UBR1: variants seen among roughly 807,000 people sequenced by gnomAD.
UBR1 encodes the protein E3 ubiquitin-protein ligase UBR1.
UBR1 carries 102 observed loss-of-function variants against 242.1 expected under a neutral mutation model. The observed-to-expected ratio is 0.42, with a 90% CI of 0.36 to 0.50. UBR1 has a LOEUF of 0.50. UBR1 is among the 20% of genes least tolerant of loss of function. The pLI is 0.01. For missense variants in UBR1, 1,772 were observed against 2,101.8 expected, an observed-to-expected ratio of 0.84 and a Z score of 3.07; for synonymous variants, 675 against 684.8, an observed-to-expected ratio of 0.99 and a Z score of 0.22.
chr15:43,082,319 T>C (rs1408434620), intron 3 of UBR1, among the ~76,000 whole-genome samples: 1 of 152,182 alleles, frequency 6.6e-6, no homozygotes, highest in African/African-American at 2.4e-5. Flanking sequence ...AGAAGGGTCA[T>C]ATTACACACT....
chr15:43,046,456 A>C (rs905063375), intron 14 of UBR1, among the ~76,000 whole-genome samples: 8 of 152,204 alleles, frequency 5.3e-5, no homozygotes, highest in Non-Finnish European at 1.5e-5. Flanking sequence ...TAGGAAACAC[A>C]AGTCCAGATA....
Position 43,026,598 on chromosome 15 carries a change from A to G in UBR1, c.2498T>C (p.Met833Thr), listed in dbSNP as rs2033180924. 1 of 1,613,464 alleles carries G rather than the reference A, an allele frequency of 6.2e-7. No homozygotes were observed. Among genetic ancestry groups the G allele is most frequent in the Non-Finnish European group, 8.5e-7 (1 of 1,179,730 alleles). ...GGTTTTGGAGTAATGATAAAAGTAC[A>G]TATTGAAGTCTTTCAGTGATTCATC... is the stretch of plus-strand genomic sequence containing the variant. ...LKDESLKDFN[M>T]YFYHYSKTQH... is the part of the protein sequence containing the mutation. The change falls in exon 23 of 47, where the codon ATG becomes ACG. Residue 833 changes from methionine to threonine, a missense_variant. Coordinates refer to ENST00000290650, the MANE Select transcript of UBR1 (RefSeq NM_174916.3).
intron 1 of UBR1, among the ~76,000 whole-genome samples, chr15:43,101,848 ATC>A (rs1206254983): frequency 1.1e-4 from 16 of 151,726 alleles, no homozygotes; most frequent in South Asian, 6.3e-4. Context: ...GGCACCTGTA[ATC>A]CCAGCTACTT....
At chr15:42,998,022 A>G (rs2032666582) in intron 33 of UBR1, 146 bp downstream of exon 33, 1 of 709,928 alleles carries the variant, frequency 1.4e-6, no homozygotes, top group South Asian at 1.9e-5. Context: ...AATTTAAGCC[A>G]CTTATTTTTA....
intron 4 of UBR1, among the ~76,000 whole-genome samples, chr15:43,074,422 T>C (rs1014836478): frequency 6.6e-6 from 1 of 152,212 alleles, no homozygotes; most frequent in African/African-American, 2.4e-5. Context: ...CATTTAGGCT[T>C]ATATGTTGTG....
chr15:43,050,301 C>A (rs2033538280), intron 12 of UBR1, among the ~76,000 whole-genome samples: 1 of 152,100 alleles, frequency 6.6e-6, no homozygotes, highest in Admixed American at 6.6e-5. Flanking sequence ...AAACTATCAA[C>A]AGAGTGAAGA....
In UBR1 at chr15:43,059,709, G is replaced by A. The variant is rs772481734; in HGVS notation, c.978C>T (p.Ser326=). 1.2e-6 allele frequency: 2 copies of A among 1,613,840 alleles called. No individual in the cohort carries two copies. Among genetic ancestry groups the A allele is most frequent in the Non-Finnish European group, 8.5e-7 (1 of 1,179,964 alleles). The part of the protein sequence containing the change: ...RLGSWMNKIM[S]YSSDFRQIFC... ...AACAGGAGGTATGCTTACTTGAATA[G>A]CTCATAATTTTGTTCATCCAGGAAC... The change falls in exon 8 of 47, where the codon AGC becomes AGT. Residue 326 remains serine (S), a synonymous_variant. Transcript: ENST00000290650.
chr15:43,062,086 C>T (rs2033695674), intron 6 of UBR1, among the ~76,000 whole-genome samples: 1 of 152,040 alleles, frequency 6.6e-6, no homozygotes, highest in African/African-American at 2.4e-5. Context: ...ATGGTGGTTC[C>T]TCAAGAAATT....
chr15:43,040,670 G>C, intron 15 of UBR1, among the ~76,000 whole-genome samples: 1 of 152,092 alleles, frequency 6.6e-6, no homozygotes, highest in Admixed American at 6.5e-5. Context: ...CTACAGAATG[G>C]GAGAAAATTT....
intron 23 of UBR1, 106 bp downstream of exon 23, chr15:43,026,455 T>C: frequency 1.2e-6 from 1 of 852,466 alleles, no homozygotes; most frequent in African/African-American, 1.7e-5. Flanking sequence ...ATGACCTCTA[T>C]TAATAAGAAC....
chr15:43,101,694 C>T (rs1057137465), intron 1 of UBR1, among the ~76,000 whole-genome samples: 3 of 151,886 alleles, frequency 2.0e-5, no homozygotes, highest in Non-Finnish European at 2.9e-5. Flanking sequence ...TGGCTGGGCA[C>T]GGTGGCTCAT....
Position 43,086,133 on chromosome 15 carries a change from C to A in UBR1, c.189G>T (p.Glu63Asp), listed in dbSNP as rs768691069. Residue 63 changes from glutamate (E) to aspartate (D), a missense_variant, in exon 2 of 47, where the codon GAG (glutamate) becomes GAT (aspartate). By Grantham distance (45) the Glu-to-Asp change is conservative. Around this residue, in one of 3 missense-constraint regions of UBR1, gnomAD observed 734 missense variants for 893.3 expected, o/e 0.82. Coordinates refer to ENST00000290650, the MANE Select transcript of UBR1 (RefSeq NM_174916.3). ...TGAATATTGACATTTGTACACTTTC[C>A]TCCTGCTTTTCCAAGTCTGGGTCCA... is the stretch of plus-strand genomic sequence containing the variant. The part of the protein sequence containing the change: ...AEMDPDLEKQ[E>D]ESVQMSIFTP... The A allele has an allele frequency of 6.2e-7, 1 of 1,613,954 alleles. No homozygotes were observed. The highest frequency in any genetic ancestry group is 1.1e-5 in the South Asian group (1 of 91,078).
intron 6 of UBR1, among the ~76,000 whole-genome samples, chr15:43,065,823 T>A (rs373368921): frequency 6.6e-6 from 1 of 151,974 alleles, no homozygotes. Flanking sequence ...AGGTTGTTGG[T>A]TTTTTTTCTT....
intron 29 of UBR1, among the ~76,000 whole-genome samples, chr15:43,009,887 T>C (rs773297124): frequency 6.6e-6 from 1 of 152,224 alleles, no homozygotes; most frequent in African/African-American, 2.4e-5. Flanking sequence ...TTTTATTTTG[T>C]TTGAGACAGA....
chr15:43,048,144 A>G (rs1488215354), intron 13 of UBR1, among the ~76,000 whole-genome samples: 2 of 151,518 alleles, frequency 1.3e-5, no homozygotes, highest in Non-Finnish European at 2.9e-5. Flanking sequence ...CCGAGATTGC[A>G]CCATTGCACT....
chr15:42,967,502 T>C (rs1674085662), intron 40 of UBR1, among the ~76,000 whole-genome samples: 1 of 151,770 alleles, frequency 6.6e-6, no homozygotes. Flanking sequence ...ACTTGTTAGC[T>C]AAAACAAAAT....
chr15:43,052,021 AC>A (rs930953415), intron 12 of UBR1, among the ~76,000 whole-genome samples: 2 of 152,188 alleles, frequency 1.3e-5, no homozygotes, highest in African/African-American at 4.8e-5. Context: ...GAAACAAAGT[AC>A]CCCATGAGAT....
chr15:43,036,697 C>A (rs2141317011), intron 17 of UBR1, 104 bp from the exon 18 acceptor site: 1 of 774,272 alleles, frequency 1.3e-6, no homozygotes, highest in Non-Finnish European at 2.2e-6. Flanking sequence ...AGAAACCCCT[C>A]AAAATCCTTA....
At chr15:42,962,747 C>T (rs1030251196) in intron 42 of UBR1, among the ~76,000 whole-genome samples, 1 of 152,174 alleles carries the variant, frequency 6.6e-6, no homozygotes, top group African/African-American at 2.4e-5. Context: ...GCCTTGGACT[C>T]CCAAAGTGCT....
Sources: gnomAD v4.1 joint callset for allele counts (sites outside exome capture counted in the v4.1 genomes callset) on GRCh38, gnomAD v4.1.1 for gene constraint, gnomAD v4.1.1 regional missense constraint, MANE v1.5 for transcripts, NCBI Gene and HGNC (gene_info 2026-07-23, HGNC 2026-07-21) for gene names.